Variants in IFT140 observed in about 807,000 individuals in gnomAD.
The protein encoded by IFT140 is intraflagellar transport 140, also known as intraflagellar transport protein 140 homolog.
In IFT140, 133 loss-of-function variants were observed where a neutral mutation model predicts 164.6. That is an observed-to-expected ratio of 0.81 (90% CI 0.70 to 0.93). IFT140 has a LOEUF of 0.93. Ranked by LOEUF, IFT140 falls within the 40% of genes least tolerant of loss-of-function variation. The probability of loss-of-function intolerance (pLI) is 0.00; values close to 1 mark genes in which losing one functional copy is unlikely to be tolerated. For missense variants in IFT140, 2,045 were observed against 1,972.3 expected (o/e 1.04, Z -0.70); for synonymous variants, 860 against 817.3 (o/e 1.05, Z -0.89).
Position 1,607,112 on chromosome 16 carries a change from G to C in IFT140, c.147+8C>G, listed in dbSNP as rs774245604. ...CCACAGTCAGGCTCCTTGCTTCTGA[G>C]CACTCACTTGCTCCAGGTAAATATC... On this transcript the variant is annotated splice_region_variant and intron_variant, in intron 3 of 30. Transcript: ENST00000426508. The C allele has an allele frequency of 6.2e-7, 1 of 1,613,562 alleles. No individual in the cohort carries two copies. Among genetic ancestry groups the C allele is most frequent in the South Asian group, 1.1e-5 (1 of 91,002 alleles).
chr16:1,516,926 C>G lies in IFT140; in HGVS notation c.4182+1290G>C, dbSNP rs551216812. Among the ~76,000 whole-genome samples, 3 of 152,128 alleles carry G rather than the reference C, an allele frequency of 2.0e-5. No individual in the cohort carries two copies. In the East Asian group the frequency reaches 5.8e-4, roughly 29 times the overall value. On this transcript the variant is annotated intron_variant, in intron 30 of 30. Transcript: ENST00000426508. ...AGAGTGAGACACTGCAGAAGGAAAG[C>G]TGGTAAACTTGAAGCAACAGAAATG...
In IFT140 at chr16:1,520,336, C is replaced by G. The variant is rs751861503; in HGVS notation, c.3668G>C (p.Arg1223Thr). The G allele has an allele frequency of 2.1e-4, 339 of 1,613,944 alleles. No homozygotes were observed. Among genetic ancestry groups the G allele is most frequent in the Non-Finnish European group, 2.7e-4 (317 of 1,180,042 alleles). ...CGTGTCTCCGGATTTGAGCAGCGCC[C>G]TCATGGCCTAGGCAGAGAGACAGCG... ...TQAGNKLKAM[R>T]ALLKSGDTEK... Residue 1223 changes from arginine to threonine, a missense_variant, in exon 28 of 31, where the codon AGG becomes ACG. Physicochemically the swap from Arg to Thr is moderately conservative, Grantham distance 71 (BLOSUM62 -1). Transcript: ENST00000426508.
chr16:1,539,223 C>T (rs989444149), intron 19 of IFT140, among the ~76,000 whole-genome samples: 1 of 151,864 alleles, frequency 6.6e-6, no homozygotes, highest in Non-Finnish European at 1.5e-5. Context: ...AACGCCGACC[C>T]AAGCCTCAGG....
intron 19 of IFT140, chr16:1,554,161 A>G (rs2032901205): frequency 2.3e-6 from 3 of 1,283,198 alleles, no homozygotes; most frequent in South Asian, 2.5e-5. Context: ...GCCCTAGACA[A>G]GGCCCTGGCC....
chr16:1,556,206 C>A lies in IFT140; in HGVS notation c.2399+1729G>T, dbSNP rs146945785. On this transcript the variant is annotated intron_variant, in intron 19 of 30. Coordinates refer to ENST00000426508, the MANE Select transcript of IFT140 (RefSeq NM_014714.4). The stretch of plus-strand genomic sequence containing the variant: ...GATGCTGCACTGGGTCCAAACAACC[C>A]CGTGTCCTAAATCTGTTAAGAGAGG... Among the ~76,000 whole-genome samples, 3 of 152,258 alleles carry A rather than the reference C, an allele frequency of 2.0e-5. No individual in the cohort carries two copies. In the East Asian group the frequency reaches 5.8e-4, roughly 29 times the overall value.
At chr16:1,525,049 A>G (rs1596304486) in intron 22 of IFT140, 133 bp from the exon 23 acceptor site, 6 of 1,358,000 alleles carry the variant, frequency 4.4e-6, no homozygotes, top group East Asian at 2.4e-5. Flanking sequence ...AAGAGTGAGG[A>G]CCCCTGGCTT....
Position 1,607,302 on chromosome 16 carries a change from AG to A in IFT140, c.-31-6del. 3.2e-6 allele frequency: 5 copies of A among 1,583,858 alleles called. No individual in the cohort carries two copies. The South Asian group carries it at 5.8e-5, about 18-fold the overall frequency. ...AGGCCTCCTCAGCGCTGAAACCTGC[AG>A]GGAAAAAAAAATGACCAAGTCCAAT... On this transcript the variant is annotated splice_polypyrimidine_tract_variant and splice_region_variant and intron_variant, in intron 2 of 30. Transcript: ENST00000426508.
chr16:1,608,526 C>T (rs114039852), intron 2 of IFT140, among the ~76,000 whole-genome samples: 3,030 of 150,510 alleles, frequency 0.02, 99 homozygotes, highest in African/African-American at 0.069. Flanking sequence ...CCAGCTACTC[C>T]GGAGCCTAAG....
At chr16:1,577,193 T>G (rs952350976) in intron 13 of IFT140, 1 of 152,158 alleles carries the variant, frequency 6.6e-6, no homozygotes, top group African/African-American at 2.4e-5. Context: ...TTGCTTGATA[T>G]GGACAGTAGA....
At chr16:1,514,040 A>C (rs1257668697) in intron 30 of IFT140, among the ~76,000 whole-genome samples, 1 of 151,550 alleles carries the variant, frequency 6.6e-6, no homozygotes, top group East Asian at 2.0e-4. Context: ...GCCACCTCGA[A>C]GCCTGCCCTC....
chr16:1,596,334 G>A (rs2035463000), intron 4 of IFT140, among the ~76,000 whole-genome samples: 1 of 151,990 alleles, frequency 6.6e-6, no homozygotes, highest in Admixed American at 6.6e-5. Context: ...TTTTTGTTTT[G>A]CTTTGTTTTG....
At chr16:1,546,313 G>C (rs1045717544) in intron 19 of IFT140, among the ~76,000 whole-genome samples, 1 of 152,198 alleles carries the variant, frequency 6.6e-6, no homozygotes, top group African/African-American at 2.4e-5. Flanking sequence ...CGGTGCCTGA[G>C]GATGCTCCGA....
At chr16:1,542,213 G>C in intron 19 of IFT140, 1 of 965,084 alleles carries the variant, frequency 1.0e-6, no homozygotes, top group East Asian at 2.9e-5. Context: ...AGGCCACTGA[G>C]AAGCCCCATG....
chr16:1,563,376 C>G (rs12934810), intron 17 of IFT140, among the ~76,000 whole-genome samples: 77 of 150,964 alleles, frequency 5.1e-4, no homozygotes, highest in African/African-American at 1.8e-3. Flanking sequence ...CTCACTCCGC[C>G]TGGGAGGCGG....
intron 19 of IFT140, chr16:1,554,708 G>T: frequency 6.3e-7 from 1 of 1,581,330 alleles, no homozygotes; most frequent in Non-Finnish European, 8.6e-7. Context: ...CCTGCTCTAG[G>T]ACAGAGGGCT....
intron 26 of IFT140, among the ~76,000 whole-genome samples, chr16:1,522,502 T>A (rs562527620): frequency 2.0e-5 from 3 of 152,276 alleles, no homozygotes; most frequent in Admixed American, 1.3e-4. Context: ...CCCATTGCAC[T>A]ATAGCCTGGG....
At chr16:1,586,058 A>G in intron 10 of IFT140, 72 bp downstream of exon 10, 1 of 1,581,130 alleles carries the variant, frequency 6.3e-7, no homozygotes, top group South Asian at 1.1e-5. Context: ...GGCGTGAGCC[A>G]CCGCGCCCGG....
chr16:1,567,337 C>T (rs1031486286), intron 15 of IFT140, among the ~76,000 whole-genome samples: 1 of 152,218 alleles, frequency 6.6e-6, no homozygotes, highest in African/African-American at 2.4e-5. Flanking sequence ...CAGCCTTGGC[C>T]CTGCCCTTCA....
At chr16:1,546,258 C>T (rs2294622) in intron 19 of IFT140, among the ~76,000 whole-genome samples, 8,967 of 152,274 alleles carry the variant, frequency 0.059, 414 homozygotes, top group East Asian at 0.14. Context: ...AGGCTGAGGG[C>T]GACTTCTGCA....
Sources: allele counts gnomAD v4.1 joint callset (sites outside exome capture counted in the v4.1 genomes callset), GRCh38; gene constraint gnomAD v4.1.1; transcripts MANE v1.5; gene names NCBI Gene and HGNC (gene_info 2026-07-23, HGNC 2026-07-21).